ZFHX3: variants seen among roughly 807,000 people sequenced by gnomAD.
ZFHX3 encodes the protein zinc finger homeobox protein 3.
Under a neutral mutation model 279.1 loss-of-function variants are expected in ZFHX3, and 42 were observed. That is an observed-to-expected ratio of 0.15 (90% CI 0.12 to 0.19). ZFHX3 has a LOEUF of 0.19. Ranked by LOEUF, ZFHX3 falls within the 10% of genes least tolerant of loss-of-function variation. ZFHX3 has a pLI of 1.00. For missense variants in ZFHX3, 4,981 were observed against 4,754.0 expected, an observed-to-expected ratio of 1.05 and a Z score of -1.40; for synonymous variants, 2,293 against 1,957.8, an observed-to-expected ratio of 1.17 and a Z score of -4.52.
chr16:73,045,440 G>A (rs1396034938), intron 1 of ZFHX3, among the ~76,000 whole-genome samples: 2 of 152,134 alleles, frequency 1.3e-5, no homozygotes, highest in East Asian at 3.9e-4. Flanking sequence ...AGTTGACACA[G>A]CAGTTAAATT....
rs185304315 is a variant in ZFHX3, at chr16:73,788,888, C to T, written c.-1608+102763G>A. On this transcript the variant is annotated intron_variant, in intron 1 of 17. Transcript: ENST00000641206. Reference sequence around the variant, plus strand: ...ACTCGGGAGGCTGAGGCAGGAGATCCGCCCACCTTGGCCTCCCAAAGTGCT... The same window carrying T: ...ACTCGGGAGGCTGAGGCAGGAGATCTGCCCACCTTGGCCTCCCAAAGTGCT... Among the ~76,000 whole-genome samples, 1,055 of 151,624 alleles carry T rather than the reference C, an allele frequency of 7.0e-3. 39 individuals carry two copies. The highest frequency in any genetic ancestry group is 0.059 in the East Asian group (304 of 5,122).
At chr16:73,688,599 C>A (rs1315979909) in intron 1 of ZFHX3, among the ~76,000 whole-genome samples, 1 of 152,080 alleles carries the variant, frequency 6.6e-6, no homozygotes, top group Non-Finnish European at 1.5e-5. Flanking sequence ...GTGCCTGGAT[C>A]TTGGACTTCC....
intron 5 of ZFHX3, among the ~76,000 whole-genome samples, chr16:73,245,086 T>C (rs891615090): frequency 1.3e-5 from 2 of 152,138 alleles, no homozygotes; most frequent in Non-Finnish European, 2.9e-5. Context: ...GTGGTCAAAC[T>C]CCACTTGTAT....
At chr16:73,073,340 G>T (rs1244074078) in intron 8 of ZFHX3, among the ~76,000 whole-genome samples, 1 of 152,208 alleles carries the variant, frequency 6.6e-6, no homozygotes, top group Non-Finnish European at 1.5e-5. Flanking sequence ...GAGGGGTGTG[G>T]TGGAAGAGGT....
chr16:73,710,615 G>C (rs977994461), intron 1 of ZFHX3, among the ~76,000 whole-genome samples: 2 of 152,278 alleles, frequency 1.3e-5, no homozygotes, highest in East Asian at 1.9e-4. Context: ...AATGTAGAGA[G>C]AGACCCACAC....
At chr16:73,040,637 G>C (rs1218383965) in intron 1 of ZFHX3, among the ~76,000 whole-genome samples, 2 of 152,194 alleles carry the variant, frequency 1.3e-5, no homozygotes, top group Non-Finnish European at 2.9e-5. Context: ...GTCAAAAGGA[G>C]TTGGCTCTAT....
chr16:73,252,850 G>T (rs1216070337), intron 5 of ZFHX3, among the ~76,000 whole-genome samples: 1 of 152,198 alleles, frequency 6.6e-6, no homozygotes, highest in African/African-American at 2.4e-5. Context: ...GAAAATGCAT[G>T]AGAGAGAAAG....
intron 4 of ZFHX3, among the ~76,000 whole-genome samples, chr16:72,876,911 C>T (rs1050688787): frequency 1.6e-4 from 25 of 152,080 alleles, no homozygotes; most frequent in African/African-American, 6.0e-4. Context: ...GTGAGCCTGA[C>T]AATCCCAAGG....
At chr16:73,066,412 T>A (rs537797269) in intron 8 of ZFHX3, among the ~76,000 whole-genome samples, 91 of 152,200 alleles carry the variant, frequency 6.0e-4, no homozygotes, top group Middle Eastern at 6.8e-3. Flanking sequence ...GGCACACCCA[T>A]CTCCATTTCG....
At chr16:73,561,813 T>G (rs2020373598) in intron 2 of ZFHX3, among the ~76,000 whole-genome samples, 1 of 152,136 alleles carries the variant, frequency 6.6e-6, no homozygotes, top group Non-Finnish European at 1.5e-5. Context: ...TCCATTTTAA[T>G]TGTTCCGGGC....
chr16:73,428,903 C>T (rs988494876), intron 3 of ZFHX3, among the ~76,000 whole-genome samples: 7 of 152,096 alleles, frequency 4.6e-5, no homozygotes, highest in Admixed American at 1.3e-4. Flanking sequence ...TGTTAAATAT[C>T]CAGTGAATAC....
At chr16:73,582,747 G>T (rs2051874863) in intron 2 of ZFHX3, among the ~76,000 whole-genome samples, 1 of 151,886 alleles carries the variant, frequency 6.6e-6, no homozygotes, top group Non-Finnish European at 1.5e-5. Flanking sequence ...AAAGTGCTGG[G>T]ATTACAGGCA....
chr16:73,761,377 T>G (rs1186854464), intron 1 of ZFHX3, among the ~76,000 whole-genome samples: 1 of 152,166 alleles, frequency 6.6e-6, no homozygotes, highest in Non-Finnish European at 1.5e-5. Context: ...ATAGGAAGAA[T>G]CAATATTGTG....
At chr16:73,248,641 A>ATGTG (rs1346342752) in intron 5 of ZFHX3, among the ~76,000 whole-genome samples, 210 of 110,346 alleles carry the variant, frequency 1.9e-3, no homozygotes, top group African/African-American at 7.1e-3. Flanking sequence ...TATGTGGAGA[A>ATGTG]TGTATGTGTG....
intron 1 of ZFHX3, among the ~76,000 whole-genome samples, chr16:73,783,492 G>A (rs753243993): frequency 6.6e-6 from 1 of 152,150 alleles, no homozygotes; most frequent in Non-Finnish European, 1.5e-5. Context: ...AGTTTAAGGT[G>A]GACAACAGTC....
chr16:73,236,200 T>C (rs781118577), intron 5 of ZFHX3, among the ~76,000 whole-genome samples: 7 of 152,208 alleles, frequency 4.6e-5, no homozygotes, highest in Non-Finnish European at 1.0e-4. Context: ...GAAATGCTAA[T>C]TTAAAACAAT....
At chr16:73,737,265 G>A (rs538082050) in intron 1 of ZFHX3, among the ~76,000 whole-genome samples, 24 of 152,172 alleles carry the variant, frequency 1.6e-4, no homozygotes, top group African/African-American at 5.8e-4. Flanking sequence ...TTGAACTCCT[G>A]GGCTCGAGCA....
At chr16:73,330,866 C>T (rs562147562) in intron 3 of ZFHX3, among the ~76,000 whole-genome samples, 1 of 152,310 alleles carries the variant, frequency 6.6e-6, no homozygotes, top group East Asian at 1.9e-4. Context: ...CAACCCTATA[C>T]TCATTGGTGG....
intron 5 of ZFHX3, among the ~76,000 whole-genome samples, chr16:73,153,231 A>G (rs1966990837): frequency 6.6e-6 from 1 of 152,218 alleles, no homozygotes; most frequent in South Asian, 2.1e-4. Flanking sequence ...CTTTGGATGT[A>G]AGAATCATCT....
Sources: allele counts gnomAD v4.1 joint callset (sites outside exome capture counted in the v4.1 genomes callset), GRCh38; gene constraint gnomAD v4.1.1; transcripts MANE v1.5; gene names NCBI Gene and HGNC (gene_info 2026-07-23, HGNC 2026-07-21).